VPS26C: variants seen among roughly 807,000 people sequenced by gnomAD.
VPS26C encodes VPS26 endosomal protein sorting factor C.
VPS26C carries 19 observed loss-of-function variants against 30.6 expected under a neutral mutation model. The observed-to-expected ratio is 0.62, with a 90% CI of 0.43 to 0.91. VPS26C has a LOEUF of 0.91. VPS26C is among the 40% of genes least tolerant of loss of function. The probability of loss-of-function intolerance (pLI) is 0.00; values close to 1 mark genes in which losing one functional copy is unlikely to be tolerated. For synonymous variants in VPS26C, 132 were observed against 151.5 expected (o/e 0.87, Z 0.95); for missense variants, 318 against 385.1 (o/e 0.83, Z 1.46).
At chr21:37,241,347 T>C (rs1363038645) in intron 1 of VPS26C, among the ~76,000 whole-genome samples, 1 of 152,158 alleles carries the variant, frequency 6.6e-6, no homozygotes, top group Non-Finnish European at 1.5e-5. Flanking sequence ...CTGAAGATAA[T>C]TACTGAGTAA....
Position 37,267,237 on chromosome 21 carries a change from C to G in VPS26C, c.57+1G>C. 4.8e-6 allele frequency: 3 copies of G among 620,364 alleles called. No individual in the cohort carries two copies. The highest frequency in any genetic ancestry group is 4.1e-5 in the South Asian group (3 of 72,342). 38.4% of individuals were successfully genotyped at this position (620,364 alleles called of 1,614,324 possible). ...CATCCCCACCCCCAGCCCCCACTTA[C>G]CCCGGCGTGATAAACTTTATTCGCT... On this transcript the variant is annotated splice_donor_variant, in intron 1 of 7. Coordinates refer to ENST00000309117, the MANE Select transcript of VPS26C (RefSeq NM_006052.2). LOFTEE classifies it high-confidence loss of function.
At chr21:37,265,902 CT>C (rs1040123431) in intron 1 of VPS26C, among the ~76,000 whole-genome samples, 2 of 137,994 alleles carry the variant, frequency 1.4e-5, no homozygotes. Context: ...ATAAAGGTAG[CT>C]TTTTCTCTTT....
At chr21:37,235,879 A>ATATATATATT (rs1555930580) in intron 3 of VPS26C, among the ~76,000 whole-genome samples, 3 of 111,292 alleles carry the variant, frequency 2.7e-5, no homozygotes, top group Non-Finnish European at 5.6e-5. Flanking sequence ...ATATATATAT[A>ATATATATATT]TTTTTTTTTT....
chr21:37,224,414 CAG>C lies in VPS26C; in HGVS notation c.*1128_*1129del, dbSNP rs1404262263. On this transcript the variant is annotated 3_prime_UTR_variant, in exon 8 of 8. Transcript: ENST00000309117. ...GTGTGGTGGCACTCACCTGTAGTCTCAGCTACTCAGGAGGCTGAGGGGAGGGA... is the reference window on the plus strand; with the variant it reads ...GTGTGGTGGCACTCACCTGTAGTCTCCTACTCAGGAGGCTGAGGGGAGGGA... The C allele has an allele frequency of 2.0e-5, 3 of 152,152 alleles. No individual in the cohort carries two copies. The highest frequency in any genetic ancestry group is 7.2e-5 in the African/African-American group (3 of 41,406). The allele number at this position is 152,152 out of a possible 1,614,324, so 9.4% of individuals were successfully genotyped here. A position where few individuals can be genotyped will look rare whatever the true frequency, so the allele number is the denominator to read the frequency against.
Position 37,267,194 on chromosome 21 carries a change from C to T in VPS26C, c.57+44G>A, listed in dbSNP as rs751261400. Reference sequence around the variant, plus strand: ...CGATGGAGACAGCGGAACCTGCAGACCCGCCCAACCCCACCTCCATCCCCA... The same window carrying T: ...CGATGGAGACAGCGGAACCTGCAGATCCGCCCAACCCCACCTCCATCCCCA... On this transcript the variant is annotated intron_variant, in intron 1 of 7. Transcript: ENST00000309117. 5 of 1,275,908 alleles carry T rather than the reference C, an allele frequency of 3.9e-6. No homozygotes were observed. In the South Asian group the frequency reaches 6.3e-5, roughly 16 times the overall value. 79.0% of individuals were successfully genotyped at this position (1,275,908 alleles called of 1,614,324 possible). A position where few individuals can be genotyped will look rare whatever the true frequency, so the allele number is the denominator to read the frequency against.
intron 1 of VPS26C, among the ~76,000 whole-genome samples, chr21:37,242,578 C>A (rs1207832115): frequency 6.6e-6 from 1 of 151,864 alleles, no homozygotes; most frequent in Non-Finnish European, 1.5e-5. Context: ...AGAGTGAGAC[C>A]CTGTCTCAAA....
Position 37,267,314 on chromosome 21 carries a change from C to A in VPS26C, c.-20G>T. The A allele has an allele frequency of 6.2e-7, 1 of 1,611,952 alleles. No individual in the cohort carries two copies. Among genetic ancestry groups the A allele is most frequent in the Non-Finnish European group, 8.5e-7 (1 of 1,178,340 alleles). On this transcript the variant is annotated 5_prime_UTR_variant, in exon 1 of 8. Coordinates refer to ENST00000309117, the MANE Select transcript of VPS26C (RefSeq NM_006052.2). ...CCCCATCTCCAATTCTCCGCAGCAG[C>A]CGCCACTTCCGGCTGCGCGTGACCC...
chr21:37,243,689 C>T (rs2086110164), intron 1 of VPS26C, among the ~76,000 whole-genome samples: 1 of 152,360 alleles, frequency 6.6e-6, no homozygotes, highest in East Asian at 1.9e-4. Flanking sequence ...TTGCCACCAG[C>T]AGCTAAGCTA....
At chr21:37,228,969 T>C (rs769082697) in intron 5 of VPS26C, 11 of 152,128 alleles carry the variant, frequency 7.2e-5, no homozygotes, top group Non-Finnish European at 1.3e-4. Context: ...CAGTGAGCAA[T>C]GATTACACCA....
rs375162666 is a variant in VPS26C, at chr21:37,227,655, C to T, written c.810G>A (p.Val270=). 11 of 1,613,558 alleles carry T rather than the reference C, an allele frequency of 6.8e-6. No individual in the cohort carries two copies. In the African/African-American group the frequency reaches 1.5e-4, roughly 22 times the overall value. ...GGCTGGGAGGCGAGTGCCACTTACC[C>T]ACTTTGAAGTTGGTGGTCTCCAGTG... The part of the protein sequence containing the change: ...CPTLETTNFK[V]EFEVNIVVLL... Residue 270 remains valine (V), a splice_region_variant and synonymous_variant, in exon 7 of 8, where the codon GTG becomes GTA. Transcript: ENST00000309117.
chr21:37,225,862 A>T (rs1338216907), intron 7 of VPS26C: 8 of 568,694 alleles, frequency 1.4e-5, no homozygotes, highest in Non-Finnish European at 2.5e-5. Flanking sequence ...TTGTCCTCTC[A>T]TCTTGGAACA....
chr21:37,267,185 A>G (rs1216927275), intron 1 of VPS26C, 53 bp downstream of exon 1: 8 of 1,414,544 alleles, frequency 5.7e-6, no homozygotes, highest in Non-Finnish European at 7.8e-6. Flanking sequence ...AGACAGCGGA[A>G]CCTGCAGACC....
At chr21:37,262,692 G>A (rs181170543) in intron 1 of VPS26C, among the ~76,000 whole-genome samples, 2 of 152,238 alleles carry the variant, frequency 1.3e-5, no homozygotes, top group African/African-American at 4.8e-5. Flanking sequence ...CAGTGGATAC[G>A]TCCAAGGGCA....
In VPS26C at chr21:37,244,272, C is replaced by T. The variant is rs55799132; in HGVS notation, c.58-3633G>A. ...TCTAACTTTGTATTCTCTTTTTTTT[C>T]CTCATTCACTCTGTCACCCAGGCTG... is the stretch of plus-strand genomic sequence containing the variant. On this transcript the variant is annotated intron_variant, in intron 1 of 7. Transcript: ENST00000309117. Among the ~76,000 whole-genome samples the T allele has an allele frequency of 6.3e-3, 966 of 152,234 alleles. 8 individuals are homozygous for T. The highest frequency in any genetic ancestry group is 0.011 in the Non-Finnish European group (730 of 67,998).
chr21:37,227,594 C>A, intron 7 of VPS26C, 60 bp downstream of exon 7: 3 of 1,589,080 alleles, frequency 1.9e-6, no homozygotes, highest in Non-Finnish European at 1.7e-6. Context: ...CACAGCAGGC[C>A]CTGGCGCTGA....
rs566578171 is a variant in VPS26C, at chr21:37,262,544, T to C, written c.57+4694A>G. 5.9e-5 allele frequency among the ~76,000 whole-genome samples: 9 copies of C among 152,328 alleles called. No individual in the cohort carries two copies. The South Asian group carries it at 1.9e-3, about 32-fold the overall frequency. ...TCAACATACATTGGCTGAATGAAGC[T>C]GATTGATTAAATAATATAAAAAAGA... On this transcript the variant is annotated intron_variant, in intron 1 of 7. Coordinates refer to ENST00000309117, the MANE Select transcript of VPS26C (RefSeq NM_006052.2).
chr21:37,227,816 G>A lies in VPS26C; in HGVS notation c.659-10C>T, dbSNP rs76973627. On this transcript the variant is annotated splice_polypyrimidine_tract_variant and intron_variant, in intron 6 of 7. Transcript: ENST00000309117. ...TAGCCTTCTGCACACCCTGCGGGAG[G>A]GAGGCCACATCACGCGGTCAGGGCC... The A allele has an allele frequency of 6.8e-6, 11 of 1,610,782 alleles. No individual in the cohort carries two copies. In the African/African-American group the frequency reaches 1.1e-4, roughly 16 times the overall value.
chr21:37,233,306 C>G lies in VPS26C; in HGVS notation c.432+56G>C. The G allele has an allele frequency of 3.4e-6, 5 of 1,468,030 alleles. No homozygotes were observed. The highest frequency in any genetic ancestry group is 4.8e-6 in the Non-Finnish European group (5 of 1,047,426). The allele number at this position is 1,468,030 out of a possible 1,614,324, so 90.9% of individuals were successfully genotyped here. Reference sequence around the variant, plus strand: ...TGAGCTTGTAAATAGGGTAAACTCTCAGACCCCATGGGAGATTCCTATCAT... The same window carrying G: ...TGAGCTTGTAAATAGGGTAAACTCTGAGACCCCATGGGAGATTCCTATCAT... On this transcript the variant is annotated intron_variant, in intron 4 of 7. Coordinates refer to ENST00000309117, the MANE Select transcript of VPS26C (RefSeq NM_006052.2). This position sits in a 1 kb window ranked among gnomAD's most constrained non-coding sequence, Gnocchi z 5.2.
At chr21:37,236,812 G>C (rs1471458425) in intron 3 of VPS26C, among the ~76,000 whole-genome samples, 1 of 152,192 alleles carries the variant, frequency 6.6e-6, no homozygotes, top group African/African-American at 2.4e-5. Context: ...GGTAAAATCT[G>C]ATGATGAAAA....
Sources: gnomAD v4.1 joint callset for allele counts (sites outside exome capture counted in the v4.1 genomes callset) on GRCh38, gnomAD v4.1.1 for gene constraint, Gnocchi (gnomAD v3.1) non-coding constraint, MANE v1.5 for transcripts, NCBI Gene and HGNC (gene_info 2026-07-23, HGNC 2026-07-21) for gene names.